The following SCARB2 variants were observed in gnomAD, a reference collection of about 807,000 sequenced individuals.
SCARB2 encodes lysosome membrane protein 2.
A neutral mutation model predicts 58.6 loss-of-function variants in SCARB2; 29 were observed. That is an observed-to-expected ratio of 0.49 (90% CI 0.37 to 0.67). The LOEUF is 0.67. Ranked by LOEUF, SCARB2 falls within the 30% of genes least tolerant of loss-of-function variation. The pLI, the probability that SCARB2 is intolerant of heterozygous loss-of-function variation, is 0.00. For synonymous variants in SCARB2, 195 were observed against 210.1 expected (o/e 0.93, Z 0.62); for missense variants, 488 against 578.5 (o/e 0.84, Z 1.60).
intron 1 of SCARB2, among the ~76,000 whole-genome samples, chr4:76,227,462 T>C (rs1259152228): frequency 6.6e-6 from 1 of 152,242 alleles, no homozygotes; most frequent in Non-Finnish European, 1.5e-5. Flanking sequence ...GCCTATCATA[T>C]GGTCTATCTT....
chr4:76,164,288 G>C (rs1731956573), intron 10 of SCARB2: 1 of 152,102 alleles, frequency 6.6e-6, no homozygotes, highest in South Asian at 2.1e-4. Flanking sequence ...CAGGCGGATT[G>C]CTTGAGCTCA....
At chr4:76,165,789 C>T (rs1425676241) in intron 10 of SCARB2, 1 of 151,386 alleles carries the variant, frequency 6.6e-6, no homozygotes, top group African/African-American at 2.5e-5. Flanking sequence ...TCAAACTGGG[C>T]GGAAGCAGGA....
chr4:76,171,899 G>A (rs911279112), intron 7 of SCARB2, among the ~76,000 whole-genome samples: 1 of 152,038 alleles, frequency 6.6e-6, no homozygotes, highest in African/African-American at 2.4e-5. Context: ...TGTTAAAAGT[G>A]TAGATTCTGG....
chr4:76,191,376 A>C (rs1456752574), intron 2 of SCARB2, among the ~76,000 whole-genome samples: 1 of 152,138 alleles, frequency 6.6e-6, no homozygotes, highest in Non-Finnish European at 1.5e-5. Flanking sequence ...TCATGTTGAA[A>C]TATGATCCCC....
At chr4:76,218,314 G>GA (rs1184858023), upstream of SCARB2, among the ~76,000 whole-genome samples, 2 of 152,294 alleles carry the variant, frequency 1.3e-5, no homozygotes, top group African/African-American at 2.4e-5. Context: ...GCCTCCATAA[G>GA]AAAAAATTAC....
At chr4:76,223,100 A>T (rs1480251092) in intron 1 of SCARB2, among the ~76,000 whole-genome samples, 1 of 152,218 alleles carries the variant, frequency 6.6e-6, no homozygotes, top group Admixed American at 6.5e-5. Context: ...CTGGTAGCAG[A>T]TGTCAACCTC....
rs1239419958 is a variant in SCARB2 at position 76,159,299 on chromosome 4, C to T, written c.*2414G>A. 6.6e-6 allele frequency: 1 copy of T among 152,224 alleles called. No individual in the cohort carries two copies. Among genetic ancestry groups the T allele is most frequent in the Non-Finnish European group, 1.5e-5 (1 of 68,046 alleles). 9.4% of individuals were successfully genotyped at this position (152,224 alleles called of 1,614,324 possible). ...AAGAAAATGAGCATGAGAAATAATT[C>T]ATCTTCAACTTAAAGCCAAATAGGT... On this transcript the variant is annotated 3_prime_UTR_variant, in exon 12 of 12. Coordinates refer to ENST00000264896, the MANE Select transcript of SCARB2 (RefSeq NM_005506.4).
Position 76,181,024 on chromosome 4 carries a change from A to C in SCARB2, c.353T>G (p.Val118Gly). Reference protein sequence around the residue: ...TISAVSNKAYVFERDQSVGDP... With the variant: ...TISAVSNKAYGFERDQSVGDP... ...TCCAACAGATTGGTCTCGTTCAAAAACATAGGCCTTGTTGCTAACAGCAGA... is the reference window on the plus strand; with the variant it reads ...TCCAACAGATTGGTCTCGTTCAAAACCATAGGCCTTGTTGCTAACAGCAGA... Residue 118 changes from valine to glycine, a missense_variant, in exon 3 of 12, where the codon GTT (valine) becomes GGT (glycine). Coordinates refer to ENST00000264896, the MANE Select transcript of SCARB2 (RefSeq NM_005506.4). The C allele has an allele frequency of 6.2e-7, 1 of 1,613,870 alleles. No individual in the cohort carries two copies. Among genetic ancestry groups the C allele is most frequent in the Non-Finnish European group, 8.5e-7 (1 of 1,179,888 alleles).
chr4:76,210,925 T>C (rs750260844), intron 1 of SCARB2, among the ~76,000 whole-genome samples: 5 of 152,312 alleles, frequency 3.3e-5, no homozygotes, highest in African/African-American at 1.2e-4. Flanking sequence ...AGTCGGGGCA[T>C]AGACAATCTT....
upstream of SCARB2, among the ~76,000 whole-genome samples, chr4:76,215,595 G>C (rs957563138): frequency 1.3e-5 from 2 of 152,186 alleles, no homozygotes; most frequent in African/African-American, 4.8e-5. Flanking sequence ...TAAACCAATA[G>C]AATACAGTGG....
At position 76,174,521 on chromosome 4, in the gene SCARB2, T is replaced by C. The variant is rs1732206715; in HGVS notation, c.825-208A>G. The C allele has an allele frequency of 1.9e-5, 11 of 568,294 alleles. No homozygotes were observed. In the South Asian group the frequency reaches 2.0e-4, roughly 10 times the overall value. The allele number at this position is 568,294 out of a possible 1,614,324, so 35.2% of individuals were successfully genotyped here. ...TGGAAGGTGTTTATTGTAGCAACGG[T>C]GATATCATCCAAACAAGAAAAAACA... On this transcript the variant is annotated intron_variant, in intron 6 of 11. Coordinates refer to ENST00000264896, the MANE Select transcript of SCARB2 (RefSeq NM_005506.4).
intron 1 of SCARB2, 121 bp downstream of exon 1, chr4:76,213,306 G>T: frequency 2.7e-6 from 2 of 752,506 alleles, no homozygotes; most frequent in Non-Finnish European, 4.8e-6. Context: ...AGGGACGCAA[G>T]AAGAGCTCTA....
In SCARB2 at chr4:76,174,144, C is replaced by T. The variant is rs779636299; in HGVS notation, c.994G>A (p.Gly332Ser). Residue 332 changes from glycine to serine, a missense_variant and splice_region_variant, in exon 7 of 12, where the codon GGT becomes AGT. Coordinates refer to ENST00000264896, the MANE Select transcript of SCARB2 (RefSeq NM_005506.4). ...TCATGTCCCCTCTCTGAGTTCTTAC[C>T]ATTCTTGCAGATGCTGACATTCAGA... The part of the protein sequence containing the change: ...GVLNVSICKN[G>S]APIIMSFPHF... The T allele has an allele frequency of 6.2e-7, 1 of 1,613,680 alleles. No individual in the cohort carries two copies. Among genetic ancestry groups the T allele is most frequent in the Non-Finnish European group, 8.5e-7 (1 of 1,180,008 alleles).
At chr4:76,174,606 TAA>T in intron 6 of SCARB2, 7 of 382,746 alleles carry the variant, frequency 1.8e-5, no homozygotes, top group South Asian at 1.5e-4. Flanking sequence ...AAAAAAGAAA[TAA>T]GAGGCCTCTC....
At chr4:76,209,203 A>G (rs1438921934) in intron 1 of SCARB2, among the ~76,000 whole-genome samples, 1 of 152,192 alleles carries the variant, frequency 6.6e-6, no homozygotes, top group Non-Finnish European at 1.5e-5. Context: ...TCAGGAGATG[A>G]GGTAGATATG....
intron 2 of SCARB2, chr4:76,184,815 A>T (rs924923702): frequency 5.5e-6 from 2 of 364,376 alleles, no homozygotes; most frequent in Non-Finnish European, 5.2e-6. Context: ...ATTTAAAAAC[A>T]AGAAAACTCA....
At chr4:76,202,228 T>C (rs1474108097) in intron 1 of SCARB2, among the ~76,000 whole-genome samples, 1 of 152,212 alleles carries the variant, frequency 6.6e-6, no homozygotes, top group Non-Finnish European at 1.5e-5. Context: ...CAAATGATGC[T>C]ACTGATTGTT....
At chr4:76,217,145 C>T (rs1264403398), upstream of SCARB2, among the ~76,000 whole-genome samples, 6 of 152,202 alleles carry the variant, frequency 3.9e-5, no homozygotes, top group Non-Finnish European at 8.8e-5. Flanking sequence ...AGGATCATCT[C>T]ACCCTATGAG....
At chr4:76,206,670 C>T (rs778157665) in intron 1 of SCARB2, among the ~76,000 whole-genome samples, 2 of 151,272 alleles carry the variant, frequency 1.3e-5, no homozygotes, top group African/African-American at 4.9e-5. Flanking sequence ...TACGACAGGA[C>T]ATCTACCTTC....
Sources: gnomAD v4.1 joint callset for allele counts (sites outside exome capture counted in the v4.1 genomes callset) on GRCh38, gnomAD v4.1.1 for gene constraint, MANE v1.5 for transcripts, NCBI Gene and HGNC (gene_info 2026-07-23, HGNC 2026-07-21) for gene names.